SEL1L2: variants seen among roughly 807,000 people sequenced by gnomAD.
The protein encoded by SEL1L2 is protein sel-1 homolog 2.
SEL1L2 carries 89 observed loss-of-function variants against 98.8 expected under a neutral mutation model. That is an observed-to-expected ratio of 0.90 (90% CI 0.76 to 1.07). The LOEUF (loss-of-function observed/expected upper bound fraction) is 1.07, where lower values mean the gene tolerates loss of function less well. Ranked by LOEUF, SEL1L2 falls within the 50% of genes least tolerant of loss-of-function variation. SEL1L2 has a pLI of 0.00. For missense variants in SEL1L2, 788 were observed against 812.0 expected, an observed-to-expected ratio of 0.97 and a Z score of 0.36; for synonymous variants, 262 against 278.5, an observed-to-expected ratio of 0.94 and a Z score of 0.59.
chr20:13,985,998 A>C (rs2148574998), intron 1 of SEL1L2, among the ~76,000 whole-genome samples: 1 of 152,288 alleles, frequency 6.6e-6, no homozygotes, highest in East Asian at 1.9e-4. Context: ...TGAGTATTCC[A>C]TTGTATGGAT....
chr20:13,985,176 T>A (rs2052101989), intron 1 of SEL1L2, among the ~76,000 whole-genome samples: 1 of 152,152 alleles, frequency 6.6e-6, no homozygotes. Context: ...TCTATTCATG[T>A]TCTTCAAGGA....
At chr20:13,887,644 A>G in intron 8 of SEL1L2, 125 bp downstream of exon 8, 1 of 651,590 alleles carries the variant, frequency 1.5e-6, no homozygotes, top group South Asian at 2.0e-5. Context: ...GAATTGTATT[A>G]TAACATATTA....
intron 1 of SEL1L2, among the ~76,000 whole-genome samples, chr20:13,972,834 A>G (rs908701416): frequency 1.3e-5 from 2 of 152,202 alleles, no homozygotes; most frequent in East Asian, 1.9e-4. Flanking sequence ...CATTATCCAT[A>G]AAGTACTCAC....
rs1318861335 is a variant in SEL1L2 at position 13,865,435 on chromosome 20, A to C, written c.1484T>G (p.Ile495Arg). 1.2e-6 allele frequency: 2 copies of C among 1,614,028 alleles called. No homozygotes were observed. Among genetic ancestry groups the C allele is most frequent in the Non-Finnish European group, 8.5e-7 (1 of 1,179,964 alleles). Residue 495 changes from isoleucine to arginine, a missense_variant, in exon 16 of 20, where the codon ATA (isoleucine) becomes AGA (arginine). Transcript: ENST00000284951. ...TGCATACTGAACAAGAGAAGAATCT[A>C]TATCACCATCCTTATAGGCAAAGTA... Reference protein sequence around the residue: ...TAYFAYKDGDIDSSLVQYALL... With the variant: ...TAYFAYKDGDRDSSLVQYALL...
At chr20:13,863,751 C>G (rs1990542809) in intron 17 of SEL1L2, among the ~76,000 whole-genome samples, 1 of 152,080 alleles carries the variant, frequency 6.6e-6, no homozygotes, top group Admixed American at 6.5e-5. Flanking sequence ...GCAGGCAGAT[C>G]ACGAGGTCAA....
intron 5 of SEL1L2, among the ~76,000 whole-genome samples, chr20:13,903,110 T>G (rs1175650283): frequency 9.9e-6 from 1 of 101,150 alleles, no homozygotes; most frequent in African/African-American, 3.8e-5. Context: ...AGAGCAAGGC[T>G]CTTTCTCAAA....
intron 1 of SEL1L2, among the ~76,000 whole-genome samples, chr20:13,967,281 A>C (rs923268032): frequency 6.6e-6 from 1 of 152,176 alleles, no homozygotes; most frequent in Non-Finnish European, 1.5e-5. Flanking sequence ...GCCATGGAAG[A>C]AGCAGCTCCT....
At chr20:13,880,888 T>C (rs1309179240) in intron 10 of SEL1L2, among the ~76,000 whole-genome samples, 1 of 151,220 alleles carries the variant, frequency 6.6e-6, no homozygotes, top group African/African-American at 2.5e-5. Context: ...GACCCATATC[T>C]CTCTTTTTAA....
chr20:13,908,103 C>CTTT lies in SEL1L2; in HGVS notation c.549+5676_549+5678dup, dbSNP rs71188195. Among the ~76,000 whole-genome samples the CTTT allele has an allele frequency of 2.3e-3, 62 of 26,748 alleles. 5 individuals carry two copies. The highest frequency in any genetic ancestry group is 8.7e-3 in the African/African-American group (54 of 6,198). The allele number at this position is 26,748 out of a possible 152,430, so 17.5% of individuals were successfully genotyped here. ...TGCCTGGCTGATCAATTTCTTGGTT[C>CTTT]TTTTTTTTTTTTTTTTTTTTTTTTT... On this transcript the variant is annotated intron_variant, in intron 5 of 19. Transcript: ENST00000284951.
At chr20:13,954,970 G>C (rs543459683) in intron 2 of SEL1L2, among the ~76,000 whole-genome samples, 1 of 152,254 alleles carries the variant, frequency 6.6e-6, no homozygotes, top group Non-Finnish European at 1.5e-5. Context: ...ATATTCAGAG[G>C]GGTTTAGAAA....
chr20:13,873,335 G>A (rs2046289331), intron 12 of SEL1L2, among the ~76,000 whole-genome samples: 1 of 151,874 alleles, frequency 6.6e-6, no homozygotes, highest in Non-Finnish European at 1.5e-5. Flanking sequence ...AGATTTGGAT[G>A]TGAATTTTAC....
chr20:13,860,254 C>T (rs1989891938), intron 17 of SEL1L2, among the ~76,000 whole-genome samples: 1 of 152,156 alleles, frequency 6.6e-6, no homozygotes, highest in African/African-American at 2.4e-5. Context: ...GCTCATGCCC[C>T]ATTTCTCTGT....
At chr20:13,962,941 C>T (rs1342581639) in intron 1 of SEL1L2, among the ~76,000 whole-genome samples, 1 of 151,850 alleles carries the variant, frequency 6.6e-6, no homozygotes, top group African/African-American at 2.4e-5. Flanking sequence ...GTGGCATGCA[C>T]CTATAATCCC....
At chr20:13,936,516 C>T (rs1013506933) in intron 2 of SEL1L2, among the ~76,000 whole-genome samples, 6 of 152,054 alleles carry the variant, frequency 3.9e-5, no homozygotes, top group Admixed American at 3.9e-4. Flanking sequence ...CTTTTGAGGC[C>T]CACCTGTACC....
At chr20:13,860,706 T>C (rs1262160136) in intron 17 of SEL1L2, among the ~76,000 whole-genome samples, 1 of 152,138 alleles carries the variant, frequency 6.6e-6, no homozygotes, top group Non-Finnish European at 1.5e-5. Flanking sequence ...TCCAACAATC[T>C]GCTCCATCTC....
rs77304159 is a variant in SEL1L2, at chr20:13,858,528, T to C, written c.1818+734A>G. On this transcript the variant is annotated intron_variant, in intron 18 of 19. Transcript: ENST00000284951. ...TTCTAGGGCTTATCTCGTTGAGTGG[T>C]TGTGTGATGTAAATGACAGAAACGC... 8.3e-3 allele frequency among the ~76,000 whole-genome samples: 1,262 copies of C among 152,292 alleles called. 36 individuals are homozygous for C. In the East Asian group the frequency reaches 0.087, roughly 10 times the overall value.
chr20:13,985,775 A>G (rs914968206), intron 1 of SEL1L2, among the ~76,000 whole-genome samples: 6 of 152,174 alleles, frequency 3.9e-5, no homozygotes, highest in African/African-American at 1.4e-4. Flanking sequence ...TTACCCCAAA[A>G]AGAAATCCTG....
chr20:13,896,200 G>A (rs1372097819), intron 5 of SEL1L2, among the ~76,000 whole-genome samples: 1 of 151,930 alleles, frequency 6.6e-6, no homozygotes, highest in Non-Finnish European at 1.5e-5. Flanking sequence ...GGCCGAGCAC[G>A]GTGGCTCACG....
intron 18 of SEL1L2, among the ~76,000 whole-genome samples, chr20:13,850,963 A>AG (rs200843246): frequency 0.02 from 3,012 of 152,204 alleles, 49 homozygotes; most frequent in Non-Finnish European, 0.03. Context: ...GGCCAGGCAC[A>AG]GGGGGGTTCA....
Sources: allele counts gnomAD v4.1 joint callset (sites outside exome capture counted in the v4.1 genomes callset), GRCh38; gene constraint gnomAD v4.1.1; transcripts MANE v1.5; gene names NCBI Gene and HGNC (gene_info 2026-07-23, HGNC 2026-07-21).